Variants in BUB3 observed in about 807,000 individuals in gnomAD.
BUB3 encodes BUB3 mitotic checkpoint protein.
In BUB3, 22 loss-of-function variants were observed where a neutral mutation model predicts 39.9. The ratio of observed to expected loss-of-function variants is 0.55; its 90% CI spans 0.39 to 0.79. The LOEUF (loss-of-function observed/expected upper bound fraction) is 0.79, where lower values mean the gene tolerates loss of function less well. Ranked by LOEUF, BUB3 falls within the 30% of genes least tolerant of loss-of-function variation. The pLI, the probability that BUB3 is intolerant of heterozygous loss-of-function variation, is 0.00. For synonymous variants in BUB3, 168 were observed against 155.1 expected, an observed-to-expected ratio of 1.08 and a Z score of -0.62; for missense variants, 303 against 415.4, an observed-to-expected ratio of 0.73 and a Z score of 2.35.
chr10:123,167,719 T>C lies in BUB3; in HGVS notation c.*3884T>C, dbSNP rs1207788961. 1.3e-5 allele frequency: 2 copies of C among 152,122 alleles called. No individual in the cohort carries two copies. The highest frequency in any genetic ancestry group is 4.8e-5 in the African/African-American group (2 of 41,436). 9.4% of individuals were successfully genotyped at this position (152,122 alleles called of 1,614,324 possible). A position where few individuals can be genotyped will look rare whatever the true frequency, so the allele number is the denominator to read the frequency against. On this transcript the variant is annotated 3_prime_UTR_variant, in exon 8 of 8. Transcript: ENST00000368865. The stretch of plus-strand genomic sequence containing the variant: ...TTACTGCAGAAAAATTTGGATAGCA[T>C]GCAAAAAATGAAACATACTATCACA...
intron 3 of BUB3, 54 bp from the exon 4 acceptor site, chr10:123,157,675 G>C: frequency 1.3e-6 from 2 of 1,483,204 alleles, no homozygotes; most frequent in South Asian, 2.8e-5. Flanking sequence ...GGAATCTTTA[G>C]TAAAGGTAGT....
Position 123,164,431 on chromosome 10 carries a change from A to G in BUB3, c.*596A>G. 1.0e-6 allele frequency: 1 copy of G among 985,670 alleles called. No individual in the cohort carries two copies. Among genetic ancestry groups the G allele is most frequent in the Non-Finnish European group, 1.2e-6 (1 of 830,096 alleles). 61.1% of individuals were successfully genotyped at this position (985,670 alleles called of 1,614,324 possible). On this transcript the variant is annotated 3_prime_UTR_variant, in exon 8 of 8. Coordinates refer to ENST00000368865, the MANE Select transcript of BUB3 (RefSeq NM_004725.4). ...GTTTTCAATCTTATTAGGGTGCAGA[A>G]GGAAAACTAATAAGAAAACCTCCTA...
At position 123,166,887 on chromosome 10, in the gene BUB3, C is replaced by A. The variant is rs571505536; in HGVS notation, c.*3052C>A. The A allele has an allele frequency of 6.6e-6, 1 of 152,308 alleles. No homozygotes were observed. The highest frequency in any genetic ancestry group is 2.4e-5 in the African/African-American group (1 of 41,566). 9.4% of individuals were successfully genotyped at this position (152,308 alleles called of 1,614,324 possible). On this transcript the variant is annotated 3_prime_UTR_variant, in exon 8 of 8. Transcript: ENST00000368865. ...GAGATCCAGGCCTTGTTAGAAGGACCAAGGCCAGAATGCCCAGTTTAGCCT... is the reference window on the plus strand; with the variant it reads ...GAGATCCAGGCCTTGTTAGAAGGACAAAGGCCAGAATGCCCAGTTTAGCCT...
rs1844511841 is a variant in BUB3 at position 123,168,165 on chromosome 10, AT to A, written c.*4332del. The A allele has an allele frequency of 6.6e-6, 1 of 152,174 alleles. No individual in the cohort carries two copies. Among genetic ancestry groups the A allele is most frequent in the Non-Finnish European group, 1.5e-5 (1 of 68,036 alleles). 9.4% of individuals were successfully genotyped at this position (152,174 alleles called of 1,614,324 possible). A position where few individuals can be genotyped will look rare whatever the true frequency, so the allele number is the denominator to read the frequency against. On this transcript the variant is annotated 3_prime_UTR_variant, in exon 8 of 8. Transcript: ENST00000368865. ...GCAAATTTCAAGTATACAATTCATT[AT>A]TACTAAGATAGCCACCACACTGTAT...
intron 1 of BUB3, 133 bp downstream of exon 1, chr10:123,154,618 C>T (rs892389156): frequency 1.2e-5 from 4 of 324,086 alleles, no homozygotes; most frequent in Non-Finnish European, 2.2e-5. Context: ...TTAGGAGTGC[C>T]CGGGGCGACG....
At chr10:123,161,844 A>G (rs1016684136) in intron 5 of BUB3, among the ~76,000 whole-genome samples, 6 of 152,240 alleles carry the variant, frequency 3.9e-5, no homozygotes, top group African/African-American at 7.2e-5. Context: ...AATGAAGGAA[A>G]CACAATTCTT....
rs1255537354 is a variant in BUB3 at position 123,160,453 on chromosome 10, C to T, written c.464C>T (p.Ala155Val). 2 of 1,612,618 alleles carry T rather than the reference C, an allele frequency of 1.2e-6. No individual in the cohort carries two copies. The highest frequency in any genetic ancestry group is 1.1e-5 in the South Asian group (1 of 90,868). Reference protein sequence around the residue: ...VSGDRLIVGTAGRRVLVWDLR... With the variant: ...VSGDRLIVGTVGRRVLVWDLR... ...GGAGACCGGCTGATTGTGGGAACAG[C>T]AGGCCGCAGAGTGTTGGTGTGGGAC... Residue 155 changes from alanine (A) to valine (V), a missense_variant, in exon 5 of 8, where the codon GCA becomes GTA. Transcript: ENST00000368865.
chr10:123,157,550 C>T (rs772295344), intron 3 of BUB3, among the ~76,000 whole-genome samples, 179 bp from the exon 4 acceptor site: 15 of 152,166 alleles, frequency 9.9e-5, no homozygotes, highest in South Asian at 2.1e-4. Flanking sequence ...CAGAGAGGAA[C>T]GGATAACTTT....
intron 4 of BUB3, 55 bp downstream of exon 4, chr10:123,157,935 T>C: frequency 6.6e-7 from 1 of 1,505,242 alleles, no homozygotes; most frequent in Non-Finnish European, 8.9e-7. Flanking sequence ...ATTTTTGTCT[T>C]GGTGCATGAT....
chr10:123,155,973 T>C (rs942212041), intron 3 of BUB3, among the ~76,000 whole-genome samples: 1 of 152,232 alleles, frequency 6.6e-6, no homozygotes, highest in Non-Finnish European at 1.5e-5. Flanking sequence ...AAATTGACAC[T>C]CAAGTATTTG....
chr10:123,162,508 A>G, intron 6 of BUB3, 95 bp downstream of exon 6: 5 of 1,554,436 alleles, frequency 3.2e-6, no homozygotes, highest in Non-Finnish European at 4.4e-6. Context: ...ACAGTGCTTT[A>G]GGGAAATGTA....
rs1844509823 is a variant in BUB3 at position 123,167,902 on chromosome 10, A to G, written c.*4067A>G. 6.6e-6 allele frequency: 1 copy of G among 152,300 alleles called. No homozygotes were observed. Among genetic ancestry groups the G allele is most frequent in the East Asian group, 1.9e-4 (1 of 5,186 alleles). 9.4% of individuals were successfully genotyped at this position (152,300 alleles called of 1,614,324 possible). ...ACATCTCCATCACCTTGTTAAATTG[A>G]GTTAAACAAATTTACAAGTTGACAA... On this transcript the variant is annotated 3_prime_UTR_variant, in exon 8 of 8. Coordinates refer to ENST00000368865, the MANE Select transcript of BUB3 (RefSeq NM_004725.4).
intron 4 of BUB3, among the ~76,000 whole-genome samples, chr10:123,159,172 CTTAATT>C (rs1361123320): frequency 6.6e-6 from 1 of 152,114 alleles, no homozygotes; most frequent in African/African-American, 2.4e-5. Context: ...TGTTTTGAAT[CTTAATT>C]TTAATTCCTT....
In BUB3 at chr10:123,166,188, C is replaced by T. The variant is rs997607119; in HGVS notation, c.*2353C>T. On this transcript the variant is annotated 3_prime_UTR_variant, in exon 8 of 8. Transcript: ENST00000368865. ...CCTTGGCCTTCTCATTGGTTTCCCTCACCCACATTCTTTAAGTGTCTCTTC... is the reference window on the plus strand; with the variant it reads ...CCTTGGCCTTCTCATTGGTTTCCCTTACCCACATTCTTTAAGTGTCTCTTC... The T allele has an allele frequency of 6.6e-6, 1 of 152,222 alleles. No individual in the cohort carries two copies. Among genetic ancestry groups the T allele is most frequent in the Non-Finnish European group, 1.5e-5 (1 of 68,042 alleles). The allele number at this position is 152,222 out of a possible 1,614,324, so 9.4% of individuals were successfully genotyped here.
At position 123,164,258 on chromosome 10, in the gene BUB3, G is replaced by A. The variant is rs535625670; in HGVS notation, c.*423G>A. 30 of 988,976 alleles carry A rather than the reference G, an allele frequency of 3.0e-5. No individual in the cohort carries two copies. Among genetic ancestry groups the A allele is most frequent in the Admixed American group, 1.8e-4 (3 of 16,368 alleles). The allele number at this position is 988,976 out of a possible 1,614,324, so 61.3% of individuals were successfully genotyped here. On this transcript the variant is annotated 3_prime_UTR_variant, in exon 8 of 8. Transcript: ENST00000368865. ...GCTGGTTATAGTTGCTAATTCTAAA[G>A]CTGCTTCAGACTGCTTCATGAGGAG...
In BUB3 at chr10:123,164,721, G is replaced by C; in HGVS notation, c.*886G>C. 1 of 1,061,456 alleles carries C rather than the reference G, an allele frequency of 9.4e-7. No homozygotes were observed. Among genetic ancestry groups the C allele is most frequent in the Non-Finnish European group, 1.1e-6 (1 of 878,774 alleles). The allele number at this position is 1,061,456 out of a possible 1,614,324, so 65.8% of individuals were successfully genotyped here. ...TTATGTCCATTTCAGTTGACCAGCC[G>C]CTGGTGATTAAAGTTAAAAAGAAAA... On this transcript the variant is annotated 3_prime_UTR_variant, in exon 8 of 8. Coordinates refer to ENST00000368865, the MANE Select transcript of BUB3 (RefSeq NM_004725.4).
chr10:123,159,678 G>T (rs1424715375), intron 4 of BUB3, among the ~76,000 whole-genome samples: 2 of 152,060 alleles, frequency 1.3e-5, no homozygotes, highest in African/African-American at 4.8e-5. Context: ...CATTATAAGG[G>T]GAAAAATAGG....
At chr10:123,161,304 G>C (rs1280137477) in intron 5 of BUB3, among the ~76,000 whole-genome samples, 1 of 152,206 alleles carries the variant, frequency 6.6e-6, no homozygotes, top group Non-Finnish European at 1.5e-5. Context: ...AGAACTTGAA[G>C]CAGGTATGTT....
At chr10:123,162,436 A>G (rs977415643) in intron 6 of BUB3, 23 bp downstream of exon 6, 7 of 1,605,670 alleles carry the variant, frequency 4.4e-6, no homozygotes, top group African/African-American at 4.0e-5. Flanking sequence ...ATGCTGACCT[A>G]TATTTAATTA....
Sources: allele counts gnomAD v4.1 joint callset (sites outside exome capture counted in the v4.1 genomes callset), GRCh38; gene constraint gnomAD v4.1.1; transcripts MANE v1.5; gene names NCBI Gene and HGNC (gene_info 2026-07-23, HGNC 2026-07-21).